Variants in CHLSN observed in about 807,000 individuals in gnomAD.
CHLSN encodes protein cholesin.
the CHLSN span, among the ~76,000 whole-genome samples, chr7:1,134,552 G>A: frequency 6.6e-6 from 1 of 151,150 alleles, no homozygotes; most frequent in South Asian, 2.1e-4. Context: ...ATGGGTAACA[G>A]AGTGACACTG....
chr7:1,117,579 C>A, the CHLSN span, among the ~76,000 whole-genome samples: 1 of 141,434 alleles, frequency 7.1e-6, no homozygotes, highest in African/African-American at 2.8e-5. Context: ...GATGACATCA[C>A]TACAGCTCTA....
At chr7:1,046,337 G>A in the CHLSN span, among the ~76,000 whole-genome samples, 6 of 152,310 alleles carry the variant, frequency 3.9e-5, no homozygotes, top group East Asian at 3.9e-4. Flanking sequence ...GAACCCGGCC[G>A]ACCGTGTCAT....
At chr7:1,025,765 T>G in the CHLSN span, 1 of 152,268 alleles carries the variant, frequency 6.6e-6, no homozygotes, top group African/African-American at 2.4e-5. Flanking sequence ...TGTATTTCCC[T>G]GCGCTCTGGA....
chr7:999,933 GCCCCTGAAAA>G, the CHLSN span, among the ~76,000 whole-genome samples: 1 of 152,220 alleles, frequency 6.6e-6, no homozygotes, highest in Non-Finnish European at 1.5e-5. Flanking sequence ...CTCACATCCT[GCCCCTGAAAA>G]GGGCAGCTGC....
the CHLSN span, among the ~76,000 whole-genome samples, chr7:1,030,683 T>C: frequency 4.0e-5 from 6 of 151,734 alleles, no homozygotes; most frequent in African/African-American, 1.5e-4. Flanking sequence ...TTTGGGCAGG[T>C]GGGACTCTCT....
At chr7:1,005,061 G>A in the CHLSN span, among the ~76,000 whole-genome samples, 3 of 152,352 alleles carry the variant, frequency 2.0e-5, no homozygotes, top group East Asian at 5.8e-4. Context: ...TTGGGAGGCC[G>A]AGGGCGGATC....
chr7:1,109,455 G>C, the CHLSN span: 1 of 152,190 alleles, frequency 6.6e-6, no homozygotes, highest in African/African-American at 2.4e-5. Flanking sequence ...CCATTCCTGC[G>C]TGGTTCCTAA....
the CHLSN span, among the ~76,000 whole-genome samples, chr7:1,130,436 G>C: frequency 6.6e-6 from 1 of 152,046 alleles, no homozygotes; most frequent in Admixed American, 6.5e-5. Flanking sequence ...GCAGGGGCCC[G>C]GCCCACGCCT....
the CHLSN span, among the ~76,000 whole-genome samples, chr7:1,099,143 TC>T: frequency 7.2e-6 from 1 of 138,094 alleles, no homozygotes; most frequent in East Asian, 1.9e-4. Context: ...GGCCTCCCCT[TC>T]CGGAGCCTCG....
the CHLSN span, among the ~76,000 whole-genome samples, chr7:1,120,112 C>G: frequency 3.4e-3 from 518 of 152,190 alleles, 2 homozygotes; most frequent in Admixed American, 0.012. Flanking sequence ...ACCACATACT[C>G]AGAATGATGA....
chr7:1,091,847 C>A, the CHLSN span: 1 of 1,610,906 alleles, frequency 6.2e-7, no homozygotes, highest in Non-Finnish European at 8.5e-7. Flanking sequence ...CTCCTGGGCA[C>A]CGCCCTGGCC....
chr7:1,134,757 T>C, the CHLSN span, among the ~76,000 whole-genome samples: 1 of 147,230 alleles, frequency 6.8e-6, no homozygotes, highest in Non-Finnish European at 1.5e-5. Flanking sequence ...TAGTCCCAGC[T>C]ACTCAGCTAC....
the CHLSN span, among the ~76,000 whole-genome samples, chr7:1,110,448 G>T: frequency 2.0e-5 from 3 of 152,248 alleles, no homozygotes; most frequent in East Asian, 5.8e-4. Flanking sequence ...ATCTAACGGA[G>T]GCTGGGAAGG....
At chr7:1,016,556 C>A in the CHLSN span, among the ~76,000 whole-genome samples, 2 of 145,642 alleles carry the variant, frequency 1.4e-5, no homozygotes, top group Admixed American at 1.4e-4. Context: ...CGCCAGCGCA[C>A]AGCAGCGCAC....
the CHLSN span, chr7:1,058,458 C>T: frequency 1.0e-5 from 8 of 780,384 alleles, no homozygotes; most frequent in South Asian, 1.1e-4. Flanking sequence ...GAAAAAGCTG[C>T]CCTGCGGGGA....
the CHLSN span, chr7:986,406 C>T: frequency 2.0e-5 from 12 of 597,732 alleles, no homozygotes; most frequent in African/African-American, 2.3e-4. Flanking sequence ...GCTGTGCAAA[C>T]CTGCCTGGCT....
chr7:993,961 G>A, the CHLSN span, among the ~76,000 whole-genome samples: 1 of 151,538 alleles, frequency 6.6e-6, no homozygotes, highest in African/African-American at 2.4e-5. Flanking sequence ...GTGGGCTGGG[G>A]CAGGGGACGG....
chr7:1,136,096 G>A, the CHLSN span, among the ~76,000 whole-genome samples: 75,811 of 110,868 alleles, frequency 0.68, 26,732 homozygotes, highest in African/African-American at 0.88. Flanking sequence ...TTATATAAAT[G>A]TGTATATAAA....
chr7:1,105,125 ATC>A, the CHLSN span, among the ~76,000 whole-genome samples: 3 of 152,204 alleles, frequency 2.0e-5, no homozygotes, highest in African/African-American at 7.2e-5. Context: ...AGGTGTTACA[ATC>A]CTGGGTAAAA....
Sources: allele counts gnomAD v4.1 joint callset (sites outside exome capture counted in the v4.1 genomes callset), GRCh38; gene constraint gnomAD v4.1.1; transcripts MANE v1.5; gene names NCBI Gene and HGNC (gene_info 2026-07-23, HGNC 2026-07-21).